ERAP2: variants seen among roughly 807,000 people sequenced by gnomAD.
ERAP2 encodes leukocyte-derived arginine aminopeptidase.
In ERAP2, 118 loss-of-function variants were observed where a neutral mutation model predicts 111.1. The ratio of observed to expected loss-of-function variants is 1.06; its 90% CI spans 0.92 to 1.24. The LOEUF (loss-of-function observed/expected upper bound fraction) is 1.24. Among genes scored for constraint, ERAP2 ranks in the 50% most tolerant of loss-of-function variants. The pLI is 0.00. For synonymous variants in ERAP2, 410 were observed against 401.2 expected (o/e 1.02, Z -0.26); for missense variants, 1,131 against 1,125.8 (o/e 1.00, Z -0.07).
At chr5:96,912,122 C>T (rs189054421) in intron 15 of ERAP2, among the ~76,000 whole-genome samples, 4 of 144,614 alleles carry the variant, frequency 2.8e-5, no homozygotes, top group South Asian at 2.1e-4. Context: ...CCCCGGGGGG[C>T]GGAGCCTGCA....
At chr5:96,881,639 T>C (rs1181767105) in intron 2 of ERAP2, among the ~76,000 whole-genome samples, 1 of 152,166 alleles carries the variant, frequency 6.6e-6, no homozygotes, top group Non-Finnish European at 1.5e-5. Context: ...TATAGTGCTG[T>C]TCAGAGTCAT....
chr5:96,903,383 T>C lies in ERAP2; in HGVS notation c.1835T>C (p.Leu612Pro), dbSNP rs764205272. 29 of 1,611,630 alleles carry C rather than the reference T, an allele frequency of 1.8e-5. No individual in the cohort carries two copies. The highest frequency in any genetic ancestry group is 2.4e-5 in the Non-Finnish European group (28 of 1,178,870). ...GCCAATCTTATCCTCTTAGATACTC[T>C]GGATCTACCTGAAAAGACCAGTTGG... ...RHILKSKTDT[L>P]DLPEKTSWVK... The change falls in exon 13 of 19, where the codon CTG becomes CCG. Residue 612 changes from leucine (L) to proline (P), a missense_variant. By Grantham distance (98) the Leu-to-Pro change is moderately conservative. Coordinates refer to ENST00000437043, the MANE Select transcript of ERAP2 (RefSeq NM_022350.5).
At chr5:96,876,806 T>C (rs1160191448) in intron 1 of ERAP2, among the ~76,000 whole-genome samples, 1 of 152,160 alleles carries the variant, frequency 6.6e-6, no homozygotes, top group African/African-American at 2.4e-5. Context: ...CAGGATGTTT[T>C]GTTCACTGCA....
chr5:96,879,775 C>T lies in ERAP2; in HGVS notation c.90C>T (p.Pro30=), dbSNP rs1295952122. 1 of 1,614,172 alleles carries T rather than the reference C, an allele frequency of 6.2e-7. No individual in the cohort carries two copies. ...RGFYCLTAIL[P]QICICSQFSV... ...TTTACTGCTTAACAGCCATCTTGCC[C>T]CAAATATGCATTTGTTCTCAGTTCT... Residue 30 remains proline, a synonymous_variant, in exon 2 of 19, where the codon CCC becomes CCT. Transcript: ENST00000437043.
At chr5:96,917,424 A>C (rs1470009116) in intron 18 of ERAP2, 38 bp from the exon 19 acceptor site, 28 of 1,581,688 alleles carry the variant, frequency 1.8e-5, no homozygotes, top group Non-Finnish European at 2.3e-5. Flanking sequence ...CTCGGCCAAG[A>C]CAAAGTGTTA....
chr5:96,892,231 G>C, intron 5 of ERAP2, 68 bp from the exon 6 acceptor site: 1 of 1,522,890 alleles, frequency 6.6e-7, no homozygotes, highest in Non-Finnish European at 9.1e-7. Flanking sequence ...GTGTATTTGA[G>C]CAGAGAGCAA....
chr5:96,883,544 T>C (rs1389636464), intron 2 of ERAP2, among the ~76,000 whole-genome samples: 2 of 152,228 alleles, frequency 1.3e-5, no homozygotes, highest in African/African-American at 4.8e-5. Context: ...ATATCCTTGT[T>C]TGACCTGAGT....
chr5:96,897,462 G>C (rs528798055), intron 9 of ERAP2, among the ~76,000 whole-genome samples: 2 of 152,216 alleles, frequency 1.3e-5, no homozygotes, highest in East Asian at 3.9e-4. Context: ...CTTATAATCT[G>C]TTCCACATAA....
intron 1 of ERAP2, among the ~76,000 whole-genome samples, chr5:96,876,795 C>A (rs763627619): frequency 1.3e-5 from 2 of 151,746 alleles, no homozygotes; most frequent in Non-Finnish European, 2.9e-5. Flanking sequence ...CTCTTCAATC[C>A]CAGGATGTTT....
At chr5:96,882,570 A>G (rs994843424) in intron 2 of ERAP2, among the ~76,000 whole-genome samples, 1 of 152,248 alleles carries the variant, frequency 6.6e-6, no homozygotes, top group Non-Finnish European at 1.5e-5. Context: ...TGAGATGCAG[A>G]AGGTCACACT....
intron 11 of ERAP2, 42 bp from the exon 12 acceptor site, chr5:96,902,232 A>G (rs762591096): frequency 7.5e-7 from 1 of 1,334,556 alleles, no homozygotes; most frequent in South Asian, 1.2e-5. Flanking sequence ...AAATCACAGC[A>G]GCATTCTTTT....
chr5:96,900,937 T>A lies in ERAP2; in HGVS notation c.1573-569T>A, dbSNP rs941863002. Among the ~76,000 whole-genome samples, 3 of 152,256 alleles carry A rather than the reference T, an allele frequency of 2.0e-5. No individual in the cohort carries two copies. The East Asian group carries it at 5.8e-4, about 29-fold the overall frequency. On this transcript the variant is annotated intron_variant, in intron 10 of 18. Coordinates refer to ENST00000437043, the MANE Select transcript of ERAP2 (RefSeq NM_022350.5). ...ACCTTGGCCTCCCAAAATGCTGGGATTACAGGCATGATCCACGGCGCCTGG... is the reference window on the plus strand; with the variant it reads ...ACCTTGGCCTCCCAAAATGCTGGGAATACAGGCATGATCCACGGCGCCTGG...
intron 3 of ERAP2, among the ~76,000 whole-genome samples, chr5:96,885,431 C>T (rs1047890074): frequency 6.6e-6 from 1 of 152,170 alleles, no homozygotes; most frequent in Non-Finnish European, 1.5e-5. Flanking sequence ...CCTGTATATA[C>T]TTTGACTTTT....
intron 2 of ERAP2, 37 bp from the exon 3 acceptor site, chr5:96,883,755 A>G (rs746796585): frequency 6.3e-7 from 1 of 1,584,932 alleles, no homozygotes; most frequent in Non-Finnish European, 8.6e-7. Flanking sequence ...TCTTGATTTC[A>G]CTTGTGCATT....
intron 1 of ERAP2, 58 bp from the exon 2 acceptor site, chr5:96,879,506 T>C: frequency 1.8e-6 from 1 of 570,558 alleles, no homozygotes; most frequent in East Asian, 2.8e-5. Context: ...ATGTTTAAGA[T>C]TTTATTTGTA....
Position 96,906,746 on chromosome 5 carries a change from C to T in ERAP2, c.2013-2215C>T, listed in dbSNP as rs554312540. Among the ~76,000 whole-genome samples, 362 of 152,178 alleles carry T rather than the reference C, an allele frequency of 2.4e-3. 5 individuals carry two copies. The highest frequency in any genetic ancestry group is 8.3e-3 in the African/African-American group (344 of 41,514). ...TAGTCCCACACCTTAAAGAGAAAAC[C>T]CCACATTGGGCGCAGTGGCTCACGC... On this transcript the variant is annotated intron_variant, in intron 13 of 18. Transcript: ENST00000437043.
chr5:96,888,138 A>AG (rs1046672362), intron 4 of ERAP2, among the ~76,000 whole-genome samples: 1 of 133,330 alleles, frequency 7.5e-6, no homozygotes, highest in African/African-American at 2.9e-5. Flanking sequence ...AGAAAAAAAA[A>AG]AAGAAAGAAA....
At chr5:96,905,671 G>A (rs908397939) in intron 13 of ERAP2, among the ~76,000 whole-genome samples, 6 of 152,116 alleles carry the variant, frequency 3.9e-5, no homozygotes, top group Admixed American at 6.6e-5. Flanking sequence ...ATCACTTGAA[G>A]CCAGGAGTTT....
intron 2 of ERAP2, among the ~76,000 whole-genome samples, chr5:96,882,189 T>C (rs1443696119): frequency 6.6e-6 from 1 of 152,158 alleles, no homozygotes; most frequent in Non-Finnish European, 1.5e-5. Context: ...ATAGGAAAAG[T>C]GTCAACTTCT....
Sources: gnomAD v4.1 joint callset for allele counts (sites outside exome capture counted in the v4.1 genomes callset) on GRCh38, gnomAD v4.1.1 for gene constraint, MANE v1.5 for transcripts, NCBI Gene and HGNC (gene_info 2026-07-23, HGNC 2026-07-21) for gene names.